MTUS2: variants seen among roughly 807,000 people sequenced by gnomAD.
MTUS2 encodes microtubule-associated tumor suppressor candidate 2.
Under a neutral mutation model 114.1 loss-of-function variants are expected in MTUS2, and 40 were observed. The ratio of observed to expected loss-of-function variants is 0.35; its 90% confidence interval spans 0.27 to 0.46. The LOEUF is 0.46. MTUS2 is among the 20% of genes least tolerant of loss of function. The pLI, the probability that MTUS2 is intolerant of heterozygous loss-of-function variation, is 1.00. For synonymous variants in MTUS2, 688 were observed against 672.0 expected, an observed-to-expected ratio of 1.02 and a Z score of -0.37; for missense variants, 1,679 against 1,705.4, an observed-to-expected ratio of 0.98 and a Z score of 0.27.
intron 5 of MTUS2, among the ~76,000 whole-genome samples, chr13:29,135,377 A>C (rs555490756): frequency 1.3e-5 from 2 of 152,266 alleles, no homozygotes; most frequent in Admixed American, 1.3e-4. Context: ...GTTTGCATAG[A>C]ACATATTTTT....
intron 9 of MTUS2, among the ~76,000 whole-genome samples, chr13:29,447,786 G>T (rs1878397133): frequency 6.6e-6 from 1 of 151,962 alleles, no homozygotes; most frequent in South Asian, 2.1e-4. Flanking sequence ...CAGGAAACCA[G>T]AATCCAGCAC....
At chr13:29,357,370 G>A (rs1481029702) in intron 7 of MTUS2, among the ~76,000 whole-genome samples, 1 of 152,140 alleles carries the variant, frequency 6.6e-6, no homozygotes, top group Non-Finnish European at 1.5e-5. Flanking sequence ...GCTGGAAATT[G>A]TTTTATTATT....
intron 6 of MTUS2, among the ~76,000 whole-genome samples, chr13:29,289,706 C>T (rs1898629792): frequency 6.6e-6 from 1 of 151,970 alleles, no homozygotes; most frequent in Non-Finnish European, 1.5e-5. Context: ...ACCTTGTAAT[C>T]CACCCACCTC....
intron 2 of MTUS2, among the ~76,000 whole-genome samples, chr13:28,850,539 C>G (rs1280248249): frequency 6.6e-6 from 1 of 152,204 alleles, no homozygotes; most frequent in Non-Finnish European, 1.5e-5. Flanking sequence ...GCAGTGAGTT[C>G]TGATCAACTC....
intron 2 of MTUS2, among the ~76,000 whole-genome samples, chr13:28,852,857 A>G (rs897433292): frequency 2.0e-5 from 3 of 151,760 alleles, no homozygotes; most frequent in African/African-American, 7.3e-5. Flanking sequence ...AAATACGTAC[A>G]TACATACATA....
intron 5 of MTUS2, among the ~76,000 whole-genome samples, chr13:29,194,223 C>A (rs1442911336): frequency 6.6e-6 from 1 of 151,834 alleles, no homozygotes; most frequent in East Asian, 1.9e-4. Context: ...GCAATGGCAA[C>A]AAAAGACAAA....
rs140727869 is a variant in MTUS2 at position 29,351,193 on chromosome 13, A to G, written c.2906-8069A>G. Among the ~76,000 whole-genome samples the G allele has an allele frequency of 6.4e-3, 967 of 152,096 alleles. 11 individuals are homozygous for G. The highest frequency in any genetic ancestry group is 0.038 in the South Asian group (182 of 4,798). ...CCAAGATCTTCATTTCTTTTTGATG[A>G]TGATGCTTCTTTTTTCAGATTACTG... On this transcript the variant is annotated intron_variant, in intron 7 of 15. Coordinates refer to ENST00000612955, the MANE Select transcript of MTUS2 (RefSeq NM_001033602.4).
chr13:28,837,120 T>A (rs2137971853), intron 1 of MTUS2, among the ~76,000 whole-genome samples: 1 of 152,324 alleles, frequency 6.6e-6, no homozygotes, highest in African/African-American at 2.4e-5. Context: ...AGTGTCCATC[T>A]GTTGCCCTAG....
intron 8 of MTUS2, among the ~76,000 whole-genome samples, chr13:29,372,775 C>G (rs557800545): frequency 6.6e-6 from 1 of 152,166 alleles, no homozygotes; most frequent in South Asian, 2.1e-4. Flanking sequence ...CTCAGAATGA[C>G]CATTACTTAT....
chr13:29,164,742 A>G (rs1467919527), intron 5 of MTUS2, among the ~76,000 whole-genome samples: 1 of 152,178 alleles, frequency 6.6e-6, no homozygotes, highest in African/African-American at 2.4e-5. Flanking sequence ...GATTTCTGAT[A>G]CCACAAATAA....
At position 29,425,304 on chromosome 13, in the gene MTUS2, T is replaced by C. The variant is rs554693401; in HGVS notation, c.3118-14679T>C. Among the ~76,000 whole-genome samples the C allele has an allele frequency of 2.6e-5, 4 of 152,140 alleles. No individual in the cohort carries two copies. The South Asian group carries it at 8.3e-4, about 32-fold the overall frequency. ...GGCACGCACCTGTAATCCCAGCTAC[T>C]TGGGAGGCTGAGAATTGCTTAAACC... On this transcript the variant is annotated intron_variant, in intron 8 of 15. Transcript: ENST00000612955.
chr13:28,948,230 A>T (rs1882632764), intron 2 of MTUS2, among the ~76,000 whole-genome samples: 1 of 152,068 alleles, frequency 6.6e-6, no homozygotes, highest in Non-Finnish European at 1.5e-5. Flanking sequence ...CACTTGTGTG[A>T]CTTCTGTATT....
intron 5 of MTUS2, among the ~76,000 whole-genome samples, chr13:29,148,806 G>A (rs1892550220): frequency 6.6e-6 from 1 of 151,522 alleles, no homozygotes; most frequent in South Asian, 2.1e-4. Context: ...TCCTGCCTTA[G>A]TTTGCTGAGG....
rs557026913 is a variant in MTUS2 at position 29,051,837 on chromosome 13, T to A, written c.2446+17712T>A. ...AGAGAGGGAAGTTGACACCCAAGTG[T>A]AGCCACCTCAGGCTTATGAAATATA... On this transcript the variant is annotated intron_variant, in intron 4 of 15. Transcript: ENST00000612955. 5.9e-5 allele frequency among the ~76,000 whole-genome samples: 9 copies of A among 152,308 alleles called. No homozygotes were observed. The East Asian group carries it at 1.5e-3, about 26-fold the overall frequency.
intron 8 of MTUS2, among the ~76,000 whole-genome samples, chr13:29,378,674 T>C (rs566775856): frequency 6.6e-6 from 1 of 152,320 alleles, no homozygotes; most frequent in African/African-American, 2.4e-5. Context: ...CACCTTCAGT[T>C]AGATGGAAAT....
rs1034903867 is a variant in MTUS2, at chr13:29,488,105, C to T, written c.3505+100C>T. 4 of 852,244 alleles carry T rather than the reference C, an allele frequency of 4.7e-6. No individual in the cohort carries two copies. The African/African-American group carries it at 6.7e-5, about 14-fold the overall frequency. 52.8% of individuals were successfully genotyped at this position (852,244 alleles called of 1,614,324 possible). A position where few individuals can be genotyped will look rare whatever the true frequency, so the allele number is the denominator to read the frequency against. Reference sequence around the variant, plus strand: ...AGCCCCCCTTCCTCTCTTGTCCCTCCTTTCCTGTCTTTCCCTCCTGGTGCA... The same window carrying T: ...AGCCCCCCTTCCTCTCTTGTCCCTCTTTTCCTGTCTTTCCCTCCTGGTGCA... On this transcript the variant is annotated intron_variant, in intron 11 of 15. Coordinates refer to ENST00000612955, the MANE Select transcript of MTUS2 (RefSeq NM_001033602.4).
chr13:28,997,632 T>A (rs1290083355), intron 2 of MTUS2, among the ~76,000 whole-genome samples: 1 of 152,168 alleles, frequency 6.6e-6, no homozygotes, highest in Admixed American at 6.5e-5. Context: ...TTGATCCCTT[T>A]ACCATTATGT....
rs1295014563 is a variant in MTUS2 at position 28,909,014 on chromosome 13, G to A, written c.-243+69164G>A. ...CAGATGGTTATAGATATGCGGCATTGTTTCTGAGGGCTGTGTTCTGTTCCA... is the reference window on the plus strand; with the variant it reads ...CAGATGGTTATAGATATGCGGCATTATTTCTGAGGGCTGTGTTCTGTTCCA... On this transcript the variant is annotated intron_variant, in intron 2 of 15. Transcript: ENST00000612955. Among the ~76,000 whole-genome samples the A allele has an allele frequency of 2.6e-3, 393 of 150,182 alleles. 10 individuals are homozygous for A. Among genetic ancestry groups the A allele is most frequent in the Non-Finnish European group, 2.3e-3 (156 of 67,380 alleles).
At chr13:29,105,820 A>G (rs4769680) in intron 5 of MTUS2, among the ~76,000 whole-genome samples, 44,906 of 151,518 alleles carry the variant, frequency 0.3, 6,929 homozygotes, top group East Asian at 0.56. Flanking sequence ...TCTGATGAGG[A>G]TATCAGGTTG....
Sources: allele counts gnomAD v4.1 joint callset (sites outside exome capture counted in the v4.1 genomes callset), GRCh38; gene constraint gnomAD v4.1.1; transcripts MANE v1.5; gene names NCBI Gene and HGNC (gene_info 2026-07-23, HGNC 2026-07-21).